The following ANXA3 variants were observed in gnomAD, a reference collection of about 807,000 sequenced individuals.
ANXA3 encodes annexin A3, also known as 35-alpha calcimedin.
A neutral mutation model predicts 48.8 loss-of-function variants in ANXA3; 46 were observed. That is an observed-to-expected ratio of 0.94 (90% CI 0.74 to 1.21). ANXA3 has a LOEUF of 1.21. ANXA3 is among the 50% of genes most tolerant of loss of function. The probability of loss-of-function intolerance (pLI) is 0.00; values close to 1 mark genes in which losing one functional copy is unlikely to be tolerated. For synonymous variants in ANXA3, 128 were observed against 134.7 expected (o/e 0.95, Z 0.35); for missense variants, 383 against 378.6 (o/e 1.01, Z -0.10).
intron 1 of ANXA3, among the ~76,000 whole-genome samples, chr4:78,553,454 G>A (rs1404467128): frequency 2.0e-5 from 3 of 152,280 alleles, no homozygotes; most frequent in Non-Finnish European, 4.4e-5. Context: ...TTTTACAGAT[G>A]AGGAAATTGA....
intron 6 of ANXA3, among the ~76,000 whole-genome samples, chr4:78,588,724 G>C (rs1326991141): frequency 6.6e-6 from 1 of 152,102 alleles, no homozygotes; most frequent in East Asian, 1.9e-4. Context: ...AGCCTTCCCT[G>C]GGTTGACACT....
rs745800844 is a variant in ANXA3, at chr4:78,604,304, A to G, written c.817A>G (p.Asn273Asp). 4 of 1,613,306 alleles carry G rather than the reference A, an allele frequency of 2.5e-6. No individual in the cohort carries two copies. The highest frequency in any genetic ancestry group is 1.7e-5 in the Admixed American group (1 of 60,014). The change falls in exon 12 of 13, where the codon AAC becomes GAC. Residue 273 changes from asparagine (N) to aspartate (D), a missense_variant. Asn to Asp is a conservative substitution (Grantham distance 23). Transcript: ENST00000264908. ...TATTGGAACTGATGAGTTTACTCTGAACCGAATAATGGTGTCCAGATCAGA... is the reference window on the plus strand; with the variant it reads ...TATTGGAACTGATGAGTTTACTCTGGACCGAATAATGGTGTCCAGATCAGA... Reference protein sequence around the residue: ...KGIGTDEFTLNRIMVSRSEID... With the variant: ...KGIGTDEFTLDRIMVSRSEID...
intron 2 of ANXA3, among the ~76,000 whole-genome samples, chr4:78,561,325 T>C (rs1722623942): frequency 6.6e-6 from 1 of 152,210 alleles, no homozygotes; most frequent in South Asian, 2.1e-4. Flanking sequence ...ATTTCCACTG[T>C]TAACCCAGAG....
Position 78,593,148 on chromosome 4 carries a change from CA to C in ANXA3, c.483+1526del, listed in dbSNP as rs1560449053. 9.3e-3 allele frequency among the ~76,000 whole-genome samples: 1,395 copies of C among 150,330 alleles called. 14 individuals carry two copies. The highest frequency in any genetic ancestry group is 0.033 in the African/African-American group (1,313 of 40,170). ...ACACACACACACACACACACACACA[CA>C]CACCACTTAAACCATAGAGCCTTTA... On this transcript the variant is annotated intron_variant, in intron 7 of 12. Transcript: ENST00000264908.
intron 6 of ANXA3, 47 bp downstream of exon 6, chr4:78,586,397 G>A: frequency 7.0e-7 from 1 of 1,420,866 alleles, no homozygotes; most frequent in East Asian, 2.3e-5. Flanking sequence ...ACATATTTGA[G>A]CCAATGTTGC....
chr4:78,554,366 G>A (rs1722466004), intron 1 of ANXA3, 70 bp from the exon 2 acceptor site: 1 of 1,077,396 alleles, frequency 9.3e-7, no homozygotes, highest in African/African-American at 1.6e-5. Context: ...TCAAGATTAA[G>A]GGTTGGACTA....
At chr4:78,603,308 A>G (rs749323721) in intron 11 of ANXA3, 1 of 152,228 alleles carries the variant, frequency 6.6e-6, no homozygotes, top group African/African-American at 2.4e-5. Flanking sequence ...GATGAATGGA[A>G]TATCATTTAG....
intron 1 of ANXA3, chr4:78,552,264 C>T (rs1245090878): frequency 1.3e-5 from 2 of 152,424 alleles, no homozygotes; most frequent in Non-Finnish European, 2.9e-5. Flanking sequence ...AGCTGGGAGT[C>T]GGAAGGTTCC....
intron 3 of ANXA3, among the ~76,000 whole-genome samples, chr4:78,576,080 A>C (rs1722946199): frequency 6.6e-6 from 1 of 152,108 alleles, no homozygotes; most frequent in Non-Finnish European, 1.5e-5. Context: ...TCCCAACACC[A>C]CATTGTCACA....
chr4:78,598,292 C>CTTTT (rs57940281), intron 10 of ANXA3, among the ~76,000 whole-genome samples: 1 of 143,610 alleles, frequency 7.0e-6, no homozygotes, highest in Admixed American at 6.9e-5. Flanking sequence ...TTCTTTCTTT[C>CTTTT]TTTTTTTTTT....
intron 2 of ANXA3, among the ~76,000 whole-genome samples, chr4:78,555,688 A>AAC (rs1553898722): frequency 4.0e-5 from 6 of 149,986 alleles, no homozygotes; most frequent in South Asian, 2.1e-4. Context: ...AAAAAAAAAA[A>AAC]AAAACTTTAA....
At chr4:78,576,532 A>G (rs1722958574) in intron 3 of ANXA3, among the ~76,000 whole-genome samples, 1 of 152,138 alleles carries the variant, frequency 6.6e-6, no homozygotes, top group South Asian at 2.1e-4. Context: ...CCTGGGCTCA[A>G]GTAATCCTTC....
At chr4:78,553,021 T>G (rs1400230344) in intron 1 of ANXA3, among the ~76,000 whole-genome samples, 1 of 152,272 alleles carries the variant, frequency 6.6e-6, no homozygotes, top group Non-Finnish European at 1.5e-5. Flanking sequence ...AGTAATTCTT[T>G]ACATCTTAAA....
chr4:78,567,257 T>C (rs534681492), intron 2 of ANXA3, among the ~76,000 whole-genome samples: 1 of 152,350 alleles, frequency 6.6e-6, no homozygotes, highest in African/African-American at 2.4e-5. Flanking sequence ...TGGTTTCGAA[T>C]GACATGAATA....
At chr4:78,605,376 T>G (rs1360929983) in intron 12 of ANXA3, among the ~76,000 whole-genome samples, 2 of 152,230 alleles carry the variant, frequency 1.3e-5, no homozygotes, top group Non-Finnish European at 2.9e-5. Context: ...GCTGAATATA[T>G]TTTCATGTTT....
At chr4:78,560,580 T>TTGGAGTTCCATTATGTAGACAC (rs1722607322) in intron 2 of ANXA3, among the ~76,000 whole-genome samples, 1 of 152,236 alleles carries the variant, frequency 6.6e-6, no homozygotes, top group Non-Finnish European at 1.5e-5. Flanking sequence ...AGAATTGTAA[T>TTGGAGTTCCATTATGTAGACAC]TGGAGTTCCA....
At chr4:78,597,260 A>T in intron 9 of ANXA3, 59 bp from the exon 10 acceptor site, 1 of 1,120,642 alleles carries the variant, frequency 8.9e-7, no homozygotes, top group East Asian at 2.5e-5. Flanking sequence ...AAAAACTAGA[A>T]TATATTCAAA....
intron 9 of ANXA3, among the ~76,000 whole-genome samples, 159 bp downstream of exon 9, chr4:78,596,046 CA>C (rs1463940989): frequency 1.3e-5 from 2 of 152,192 alleles, no homozygotes; most frequent in Non-Finnish European, 2.9e-5. Context: ...TATTGTAACT[CA>C]AGGAAGTACT....
chr4:78,575,833 T>C (rs1001062107), intron 3 of ANXA3, among the ~76,000 whole-genome samples: 5 of 152,332 alleles, frequency 3.3e-5, no homozygotes, highest in Middle Eastern at 3.4e-3. Context: ...ACTTTTTTTT[T>C]CAAAGTTTTG....
Sources: allele counts gnomAD v4.1 joint callset (sites outside exome capture counted in the v4.1 genomes callset), GRCh38; gene constraint gnomAD v4.1.1; transcripts MANE v1.5; gene names NCBI Gene and HGNC (gene_info 2026-07-23, HGNC 2026-07-21).